Variants in RAP1GAP2 observed in about 807,000 individuals in gnomAD.
RAP1GAP2 encodes the protein RAP1 GTPase activating protein 2, also known as rap1 GTPase-activating protein 2.
RAP1GAP2 carries 27 observed loss-of-function variants against 95.0 expected under a neutral mutation model. The observed-to-expected ratio is 0.28, with a 90% CI of 0.21 to 0.39. RAP1GAP2 has a LOEUF of 0.39. Among genes scored for constraint, RAP1GAP2 ranks in the 10% least tolerant of loss-of-function variants. The pLI is 1.00. For synonymous variants in RAP1GAP2, 373 were observed against 380.9 expected (o/e 0.98, Z 0.24); for missense variants, 771 against 970.0 (o/e 0.79, Z 2.72).
intron 2 of RAP1GAP2, among the ~76,000 whole-genome samples, chr17:2,875,211 C>G (rs1047026577): frequency 8.5e-5 from 13 of 152,112 alleles, no homozygotes; most frequent in African/African-American, 2.7e-4. Flanking sequence ...AGATTACAGG[C>G]GTGCACCACC....
rs1018297729 is a variant in RAP1GAP2, at chr17:2,858,496, C to T, written c.81-46788C>T. ...CCTACTTTCAGCCATTATCAACTTA[C>T]GGCCCCAATCTTGTTTCATTTATGT... On this transcript the variant is annotated intron_variant, in intron 2 of 24. Transcript: ENST00000254695. 3.3e-5 allele frequency among the ~76,000 whole-genome samples: 5 copies of T among 152,266 alleles called. No homozygotes were observed. In the South Asian group the frequency reaches 6.2e-4, roughly 19 times the overall value.
intron 3 of RAP1GAP2, among the ~76,000 whole-genome samples, chr17:2,938,056 G>A (rs753688314): frequency 2.0e-5 from 3 of 152,208 alleles, no homozygotes; most frequent in African/African-American, 4.8e-5. Flanking sequence ...GAGCGAGCAC[G>A]GAGCCAGGGC....
In RAP1GAP2 at chr17:2,871,042, G is replaced by A. The variant is rs1286898393; in HGVS notation, c.81-34242G>A. ...GCGATCTTGGCTTACTGCAACCTCC[G>A]CCTCCTGGGTTCAAGTGATTCTCCT... On this transcript the variant is annotated intron_variant, in intron 2 of 24. Coordinates refer to ENST00000254695, the MANE Select transcript of RAP1GAP2 (RefSeq NM_015085.5). The surrounding 1 kb of genome is among the most constrained non-coding windows in gnomAD (Gnocchi z 5.0). Among the ~76,000 whole-genome samples the A allele has an allele frequency of 2.0e-5, 3 of 152,142 alleles. No individual in the cohort carries two copies. Among genetic ancestry groups the A allele is most frequent in the Non-Finnish European group, 4.4e-5 (3 of 68,032 alleles).
At chr17:2,778,910 A>C (rs548854514) in intron 1 of RAP1GAP2, among the ~76,000 whole-genome samples, 41 of 152,312 alleles carry the variant, frequency 2.7e-4, no homozygotes, top group African/African-American at 9.4e-4. Flanking sequence ...TGTTGGGGAG[A>C]GAAACAGGGA....
At chr17:2,888,978 T>C (rs2073597408) in intron 2 of RAP1GAP2, among the ~76,000 whole-genome samples, 2 of 152,090 alleles carry the variant, frequency 1.3e-5, no homozygotes, top group African/African-American at 2.4e-5. Flanking sequence ...ACCTTTTCTT[T>C]GTACATTCTT....
At chr17:2,984,422 C>T (rs544644149) in intron 10 of RAP1GAP2, among the ~76,000 whole-genome samples, 3 of 152,156 alleles carry the variant, frequency 2.0e-5, no homozygotes, top group Non-Finnish European at 2.9e-5. Flanking sequence ...CTCTATGATG[C>T]GTAACGGAAA....
At chr17:2,994,073 A>G (rs1006301697) in intron 12 of RAP1GAP2, among the ~76,000 whole-genome samples, 2 of 152,162 alleles carry the variant, frequency 1.3e-5, no homozygotes, top group Non-Finnish European at 2.9e-5. Context: ...GGGCCTTAGA[A>G]TAGCTGAAAT....
At chr17:2,775,148 C>T (rs935911056), upstream of RAP1GAP2, among the ~76,000 whole-genome samples, 4 of 152,098 alleles carry the variant, frequency 2.6e-5, no homozygotes, top group Non-Finnish European at 4.4e-5. Context: ...CCTGCCCAGC[C>T]TCCCTGCTAT....
upstream of RAP1GAP2, among the ~76,000 whole-genome samples, chr17:2,776,621 T>C (rs2151440216): frequency 6.6e-6 from 1 of 151,528 alleles, no homozygotes; most frequent in Admixed American, 6.6e-5. Context: ...GCGCCCCGGG[T>C]GGCGGAGGCG....
At chr17:2,987,520 C>G (rs1469648161) in intron 11 of RAP1GAP2, among the ~76,000 whole-genome samples, 1 of 152,088 alleles carries the variant, frequency 6.6e-6, no homozygotes, top group Non-Finnish European at 1.5e-5. Context: ...CACCACCACG[C>G]CCAGCTAATT....
In RAP1GAP2 at chr17:2,851,001, A is replaced by G. The variant is rs144550706; in HGVS notation, c.80+50451A>G. 9.3e-4 allele frequency among the ~76,000 whole-genome samples: 142 copies of G among 152,106 alleles called. 3 individuals are homozygous for G. In the East Asian group the frequency reaches 0.025, roughly 27 times the overall value. On this transcript the variant is annotated intron_variant, in intron 2 of 24. Transcript: ENST00000254695. The stretch of plus-strand genomic sequence containing the variant: ...CTTGAACCCAGGAGGTGGAGGTTGC[A>G]GTGAGCCAAGACCGTGCCATTGCAC...
chr17:2,981,824 T>G (rs890093942), intron 10 of RAP1GAP2, among the ~76,000 whole-genome samples: 2 of 152,146 alleles, frequency 1.3e-5, no homozygotes, highest in Non-Finnish European at 2.9e-5. Context: ...GCAATAATAA[T>G]AAACCCACTG....
intron 14 of RAP1GAP2, among the ~76,000 whole-genome samples, chr17:3,001,827 T>A (rs2046170350): frequency 6.6e-6 from 1 of 152,198 alleles, no homozygotes; most frequent in Non-Finnish European, 1.5e-5. Flanking sequence ...CAATAGGAAA[T>A]GCATCTCAGC....
rs1404291087 is a variant in RAP1GAP2, at chr17:2,855,001, G to T, written c.81-50283G>T. On this transcript the variant is annotated intron_variant, in intron 2 of 24. Coordinates refer to ENST00000254695, the MANE Select transcript of RAP1GAP2 (RefSeq NM_015085.5). This position sits in a 1 kb window ranked among gnomAD's most constrained non-coding sequence, Gnocchi z 4.3. ...GAGGAGTTTTGGAATGGTTAATACC[G>T]CACCCTATAAGACACGGGCAGTGGA... 1.3e-5 allele frequency among the ~76,000 whole-genome samples: 2 copies of T among 152,120 alleles called. No homozygotes were observed. Among genetic ancestry groups the T allele is most frequent in the Non-Finnish European group, 2.9e-5 (2 of 68,010 alleles).
intron 1 of RAP1GAP2, among the ~76,000 whole-genome samples, chr17:2,757,710 C>T (rs2071171920): frequency 6.6e-6 from 1 of 152,040 alleles, no homozygotes; most frequent in Non-Finnish European, 1.5e-5. Flanking sequence ...TAGGACCACC[C>T]CAGCACCCCA....
intron 2 of RAP1GAP2, among the ~76,000 whole-genome samples, chr17:2,883,496 G>A (rs1047153018): frequency 4.6e-5 from 7 of 152,156 alleles, no homozygotes; most frequent in Admixed American, 4.6e-4. Flanking sequence ...AGAGGGAAGC[G>A]CCTTCGATCT....
At chr17:2,778,708 T>G (rs2068565924) in intron 1 of RAP1GAP2, among the ~76,000 whole-genome samples, 1 of 152,166 alleles carries the variant, frequency 6.6e-6, no homozygotes. Context: ...CCTACTGCTG[T>G]GGCCGCACCT....
chr17:2,889,533 T>C (rs185779342), intron 2 of RAP1GAP2, among the ~76,000 whole-genome samples: 66 of 152,244 alleles, frequency 4.3e-4, no homozygotes, highest in African/African-American at 1.5e-3. Context: ...TTCTGAACTT[T>C]CCAGCCGTGA....
Position 3,029,033 on chromosome 17 carries a change from C to T in RAP1GAP2, c.2108-1889C>T, listed in dbSNP as rs552240937. Among the ~76,000 whole-genome samples, 3 of 152,186 alleles carry T rather than the reference C, an allele frequency of 2.0e-5. No individual in the cohort carries two copies. The highest frequency in any genetic ancestry group is 1.9e-4 in the East Asian group (1 of 5,168). ...CAGGCTGGTCTCGAACTCCTGACCT[C>T]GTGATCCACCCACCTCGGCCTCCCA... is the stretch of plus-strand genomic sequence containing the variant. On this transcript the variant is annotated intron_variant, in intron 22 of 24. Transcript: ENST00000254695. The surrounding 1 kb of genome is among the most constrained non-coding windows in gnomAD (Gnocchi z 4.4).
Sources: allele counts gnomAD v4.1 joint callset (sites outside exome capture counted in the v4.1 genomes callset), GRCh38; gene constraint gnomAD v4.1.1; non-coding constraint Gnocchi (gnomAD v3.1); transcripts MANE v1.5; gene names NCBI Gene and HGNC (gene_info 2026-07-23, HGNC 2026-07-21).